SMC3: variants seen among roughly 807,000 people sequenced by gnomAD.
SMC3 encodes the protein structural maintenance of chromosomes 3.
A neutral mutation model predicts 171.8 loss-of-function variants in SMC3; 20 were observed. The observed-to-expected ratio is 0.12, with a 90% CI of 0.08 to 0.17. The LOEUF (loss-of-function observed/expected upper bound fraction) is 0.17. Ranked by LOEUF, SMC3 falls within the 10% of genes least tolerant of loss-of-function variation. SMC3 has a pLI of 1.00. For synonymous variants in SMC3, 464 were observed against 451.1 expected (o/e 1.03, Z -0.36); for missense variants, 543 against 1,420.4 (o/e 0.38, Z 9.93).
At chr10:110,574,389 TAAG>T (rs1012656225) in intron 3 of SMC3, among the ~76,000 whole-genome samples, 38 of 152,172 alleles carry the variant, frequency 2.5e-4, no homozygotes, top group South Asian at 6.2e-4. Context: ...ATTAGACAGT[TAAG>T]GAGTAGGTTG....
At chr10:110,575,816 T>C (rs1860938304) in intron 4 of SMC3, among the ~76,000 whole-genome samples, 1 of 152,208 alleles carries the variant, frequency 6.6e-6, no homozygotes, top group South Asian at 2.1e-4. Context: ...TACATTTCTT[T>C]AAGGATGTGA....
intron 15 of SMC3, 21 bp from the exon 16 acceptor site, chr10:110,590,391 T>G: frequency 6.2e-7 from 1 of 1,605,878 alleles, no homozygotes; most frequent in Non-Finnish European, 8.5e-7. Context: ...TTTAATATTT[T>G]TCATTTCTGA....
intron 17 of SMC3, 65 bp downstream of exon 17, chr10:110,591,197 C>CA: frequency 6.8e-7 from 1 of 1,464,302 alleles, no homozygotes; most frequent in Non-Finnish European, 9.5e-7. Context: ...CATAATCTAA[C>CA]ACATGCTAGT....
intron 1 of SMC3, chr10:110,568,305 T>G: frequency 5.4e-6 from 1 of 183,512 alleles, no homozygotes; most frequent in Non-Finnish European, 1.1e-5. Flanking sequence ...TGTCGTCACC[T>G]GTCACTGCGG....
rs1861444319 is a variant in SMC3 at position 110,604,787 on chromosome 10, C to A, written c.*485C>A. 6.6e-6 allele frequency among the ~76,000 whole-genome samples: 1 copy of A among 152,168 alleles called. No individual in the cohort carries two copies. Among genetic ancestry groups the A allele is most frequent in the Admixed American group, 6.5e-5 (1 of 15,282 alleles). On this transcript the variant is annotated 3_prime_UTR_variant, in exon 29 of 29. Transcript: ENST00000361804. ...TTTGAGGTATTGAGGGTTAGGACTT[C>A]AACATGTGAGTTTGGGAAGGGAAGC... is the stretch of plus-strand genomic sequence containing the variant.
intron 16 of SMC3, among the ~76,000 whole-genome samples, 199 bp downstream of exon 16, chr10:110,590,771 C>T (rs1405224180): frequency 6.6e-6 from 1 of 152,036 alleles, no homozygotes; most frequent in East Asian, 1.9e-4. Context: ...GGAGTTTCTC[C>T]CTCCCCGCCA....
intron 17 of SMC3, among the ~76,000 whole-genome samples, chr10:110,592,855 C>G (rs1861230025): frequency 6.6e-6 from 1 of 152,222 alleles, no homozygotes; most frequent in Admixed American, 6.5e-5. Context: ...CTCTTTAGCA[C>G]TATTAGGCTC....
chr10:110,582,262 G>A (rs1481955982), intron 9 of SMC3, among the ~76,000 whole-genome samples, 164 bp downstream of exon 9: 3 of 152,104 alleles, frequency 2.0e-5, no homozygotes, highest in Non-Finnish European at 4.4e-5. Context: ...AAGGAAATTA[G>A]CCATGTGGTC....
rs771031121 is a variant in SMC3, at chr10:110,589,752, C to T, written c.1409+44C>T. On this transcript the variant is annotated intron_variant, in intron 14 of 28. Transcript: ENST00000361804. ...GTGCATTAATGTTTTCAGTAATGTTCGTTACTAGCTGTTATGTGGTCTTTA... is the reference window on the plus strand; with the variant it reads ...GTGCATTAATGTTTTCAGTAATGTTTGTTACTAGCTGTTATGTGGTCTTTA... 141 of 1,421,980 alleles carry T rather than the reference C, an allele frequency of 9.9e-5. 1 individual carries two copies. The highest frequency in any genetic ancestry group is 6.5e-4 in the Middle Eastern group (3 of 4,622). The allele number at this position is 1,421,980 out of a possible 1,614,324, so 88.1% of individuals were successfully genotyped here.
chr10:110,593,024 C>A (rs771785438), intron 17 of SMC3, 49 bp from the exon 18 acceptor site: 87 of 1,423,816 alleles, frequency 6.1e-5, no homozygotes, highest in Non-Finnish European at 8.4e-5. Context: ...ATTCTAAGTT[C>A]TTAGTTAACT....
Position 110,604,323 on chromosome 10 carries a change from G to T in SMC3, c.*21G>T. ...GTTAATTGGAAAATACTACCTACTG[G>T]TTTGGGAGATGTATATAGTAATATG... is the stretch of plus-strand genomic sequence containing the variant. On this transcript the variant is annotated 3_prime_UTR_variant, in exon 29 of 29. Transcript: ENST00000361804. 1 of 1,541,744 alleles carries T rather than the reference G, an allele frequency of 6.5e-7. No homozygotes were observed. The highest frequency in any genetic ancestry group is 9.0e-7 in the Non-Finnish European group (1 of 1,116,398).
rs192690383 is a variant in SMC3, at chr10:110,577,811, G to T, written c.271-24G>T. ...TTTCTCCTTTACTATTAAATTAACT[G>T]TGGGCTTTTACATTTTTTCTTAGAT... On this transcript the variant is annotated intron_variant, in intron 5 of 28. Transcript: ENST00000361804. 147 of 1,536,454 alleles carry T rather than the reference G, an allele frequency of 9.6e-5. 2 individuals are homozygous for T. In the African/African-American group the frequency reaches 1.7e-3, roughly 18 times the overall value.
intron 13 of SMC3, among the ~76,000 whole-genome samples, chr10:110,584,871 G>A (rs372830089): frequency 1.3e-5 from 2 of 152,156 alleles, no homozygotes; most frequent in African/African-American, 2.4e-5. Context: ...GCAATCCTCC[G>A]ACCTTGGCCT....
intron 7 of SMC3, 88 bp from the exon 8 acceptor site, chr10:110,580,816 C>T (rs1861019244): frequency 6.3e-6 from 5 of 789,760 alleles, no homozygotes; most frequent in Non-Finnish European, 9.3e-6. Flanking sequence ...ACCCAACCTT[C>T]ATGTGTATTA....
chr10:110,567,903 C>T (rs1372242178), intron 1 of SMC3, 72 bp downstream of exon 1: 25 of 1,482,864 alleles, frequency 1.7e-5, no homozygotes, highest in African/African-American at 1.6e-5. Context: ...AGTGTTGCGG[C>T]GCCACCCGCA....
chr10:110,572,214 C>A (rs1430617404), intron 2 of SMC3, among the ~76,000 whole-genome samples: 2 of 152,148 alleles, frequency 1.3e-5, no homozygotes, highest in Non-Finnish European at 2.9e-5. Flanking sequence ...CACCATGGTC[C>A]TTTACCTCTG....
intron 2 of SMC3, 62 bp downstream of exon 2, chr10:110,569,075 C>A: frequency 9.6e-7 from 1 of 1,040,836 alleles, no homozygotes; most frequent in Non-Finnish European, 1.5e-6. Flanking sequence ...AAATTCTGTC[C>A]ATTTCTATAT....
chr10:110,600,898 AT>A (rs1307804681), intron 22 of SMC3, 123 bp from the exon 23 acceptor site: 6 of 719,646 alleles, frequency 8.3e-6, no homozygotes, highest in Non-Finnish European at 1.4e-5. Flanking sequence ...ACTTCTAAGT[AT>A]TTGTAATTAT....
In SMC3 at chr10:110,595,074, G is replaced by A. The variant is rs573890667; in HGVS notation, c.1964-1324G>A. Among the ~76,000 whole-genome samples, 6 of 151,076 alleles carry A rather than the reference G, an allele frequency of 4.0e-5. No homozygotes were observed. The East Asian group carries it at 5.9e-4, about 15-fold the overall frequency. On this transcript the variant is annotated intron_variant, in intron 18 of 28. Transcript: ENST00000361804. The stretch of plus-strand genomic sequence containing the variant: ...CTCAGCTCACTACAACCTCCGCCTC[G>A]CAGGTTCAAGCGATTCTCCTGCCTC...
Sources: allele counts gnomAD v4.1 joint callset (sites outside exome capture counted in the v4.1 genomes callset), GRCh38; gene constraint gnomAD v4.1.1; transcripts MANE v1.5; gene names NCBI Gene and HGNC (gene_info 2026-07-23, HGNC 2026-07-21).